MARK1: variants seen among roughly 807,000 people sequenced by gnomAD.
The protein encoded by MARK1 is serine/threonine-protein kinase MARK1.
A neutral mutation model predicts 96.3 loss-of-function variants in MARK1; 40 were observed. That is an observed-to-expected ratio of 0.42 (90% CI 0.32 to 0.54). The LOEUF is 0.54. Ranked by LOEUF, MARK1 falls within the 20% of genes least tolerant of loss-of-function variation. The probability of loss-of-function intolerance (pLI) is 0.16; values close to 1 mark genes in which losing one functional copy is unlikely to be tolerated. For missense variants in MARK1, 719 were observed against 984.6 expected (o/e 0.73, Z 3.61); for synonymous variants, 317 against 341.2 (o/e 0.93, Z 0.78).
At position 220,586,015 on chromosome 1, in the gene MARK1, G is replaced by A. The variant is rs202115816; in HGVS notation, c.309+4897G>A. On this transcript the variant is annotated intron_variant, in intron 3 of 17. Transcript: ENST00000366917. ...CACACACACACACACACACACACGC[G>A]CGCGTGCGCAGAGAGAGAGAGTTTA... Among the ~76,000 whole-genome samples, 6 of 91,370 alleles carry A rather than the reference G, an allele frequency of 6.6e-5. No individual in the cohort carries two copies. In the South Asian group the frequency reaches 1.7e-3, roughly 26 times the overall value. 59.9% of individuals were successfully genotyped at this position (91,370 alleles called of 152,430 possible). A position where few individuals can be genotyped will look rare whatever the true frequency, so the allele number is the denominator to read the frequency against.
At chr1:220,651,728 T>C (rs1668888502) in intron 14 of MARK1, among the ~76,000 whole-genome samples, 1 of 152,220 alleles carries the variant, frequency 6.6e-6, no homozygotes. Flanking sequence ...TTTTGTACTT[T>C]CTCACATTTA....
chr1:220,543,928 GAT>G (rs975434292), intron 1 of MARK1, among the ~76,000 whole-genome samples: 1 of 152,096 alleles, frequency 6.6e-6, no homozygotes, highest in Non-Finnish European at 1.5e-5. Flanking sequence ...TGATGATGAT[GAT>G]TACATTGTAA....
chr1:220,537,570 C>T (rs1660799760), intron 1 of MARK1, among the ~76,000 whole-genome samples: 1 of 91,784 alleles, frequency 1.1e-5, no homozygotes, highest in Admixed American at 1.2e-4. Flanking sequence ...GTCTTTATAG[C>T]AGCATATTTA....
intron 9 of MARK1, chr1:220,627,462 G>A: frequency 2.3e-6 from 1 of 442,224 alleles, no homozygotes; most frequent in Non-Finnish European, 4.6e-6. Flanking sequence ...GACCTCTCCA[G>A]CTCTGGCTTC....
intron 1 of MARK1, among the ~76,000 whole-genome samples, chr1:220,549,739 A>G (rs535978358): frequency 1.3e-5 from 2 of 152,324 alleles, no homozygotes; most frequent in Admixed American, 6.5e-5. Context: ...TAAGAGCACA[A>G]ACTTTGTAGA....
chr1:220,541,379 T>C (rs2102712743), intron 1 of MARK1, among the ~76,000 whole-genome samples: 1 of 152,336 alleles, frequency 6.6e-6, no homozygotes, highest in African/African-American at 2.4e-5. Flanking sequence ...GAAGAATTTA[T>C]ATTGTGCTGC....
At chr1:220,642,352 CA>C (rs1668322533) in intron 13 of MARK1, among the ~76,000 whole-genome samples, 1 of 152,242 alleles carries the variant, frequency 6.6e-6, no homozygotes, top group African/African-American at 2.4e-5. Context: ...CACAGCACAG[CA>C]TAGCAGCTGT....
At chr1:220,628,648 A>T (rs1034019301) in intron 9 of MARK1, among the ~76,000 whole-genome samples, 1 of 152,054 alleles carries the variant, frequency 6.6e-6, no homozygotes, top group South Asian at 2.1e-4. Context: ...GCCCTCTTCT[A>T]TTCATTCTTA....
chr1:220,553,928 G>A (rs1188355149), intron 1 of MARK1, among the ~76,000 whole-genome samples: 2 of 152,212 alleles, frequency 1.3e-5, no homozygotes, highest in African/African-American at 4.8e-5. Flanking sequence ...GCCTAGGCCT[G>A]TTGCAGACCT....
chr1:220,641,044 C>T (rs941001986), intron 13 of MARK1, among the ~76,000 whole-genome samples: 8 of 152,170 alleles, frequency 5.3e-5, no homozygotes, highest in South Asian at 2.1e-4. Context: ...TCAGGGAAAA[C>T]CCTTGACTAG....
chr1:220,644,520 C>G (rs1415557876), intron 13 of MARK1, among the ~76,000 whole-genome samples: 1 of 145,782 alleles, frequency 6.9e-6, no homozygotes, highest in Admixed American at 7.1e-5. Context: ...TTAGACAGAT[C>G]ACCGAGACAG....
intron 9 of MARK1, chr1:220,627,971 G>A (rs1667445356): frequency 1.3e-5 from 2 of 152,130 alleles, no homozygotes; most frequent in South Asian, 4.2e-4. Context: ...GGTGGAGGTT[G>A]GTGGTCTAGT....
chr1:220,630,772 T>C (rs1437174731), intron 9 of MARK1, among the ~76,000 whole-genome samples: 1 of 152,204 alleles, frequency 6.6e-6, no homozygotes. Context: ...TGTTAAAATA[T>C]CCAAATTTGA....
intron 3 of MARK1, 91 bp downstream of exon 3, chr1:220,581,209 G>A: frequency 4.8e-6 from 2 of 414,800 alleles, no homozygotes; most frequent in Non-Finnish European, 8.7e-6. Flanking sequence ...TTTTCTATTA[G>A]GTACAATTCT....
At chr1:220,633,952 G>A (rs150632409) in intron 11 of MARK1, among the ~76,000 whole-genome samples, 1 of 152,286 alleles carries the variant, frequency 6.6e-6, no homozygotes, top group African/African-American at 2.4e-5. Flanking sequence ...CTTCATTAGA[G>A]GGGAACACAT....
Position 220,528,795 on chromosome 1 carries a change from C to T in MARK1, c.-28C>T. On this transcript the variant is annotated 5_prime_UTR_variant, in exon 1 of 18. Transcript: ENST00000366917. ...CGCACCACAGCCCGGCCGGCGAGAC[C>T]CCGGCCAGACCCCGCTGCCCGCACA... 4 of 1,546,136 alleles carry T rather than the reference C, an allele frequency of 2.6e-6. No homozygotes were observed. The highest frequency in any genetic ancestry group is 3.5e-6 in the Non-Finnish European group (4 of 1,144,868).
intron 9 of MARK1, among the ~76,000 whole-genome samples, chr1:220,623,201 A>C (rs989753539): frequency 2.6e-5 from 4 of 152,092 alleles, no homozygotes; most frequent in African/African-American, 9.7e-5. Flanking sequence ...CTCGGGTTAC[A>C]TGAGCTCTCT....
At chr1:220,636,308 C>T (rs1667964259) in intron 13 of MARK1, among the ~76,000 whole-genome samples, 1 of 152,036 alleles carries the variant, frequency 6.6e-6, no homozygotes, top group Non-Finnish European at 1.5e-5. Flanking sequence ...ATTATATTGG[C>T]ACATTTCATT....
chr1:220,601,004 G>A (rs182079757), intron 5 of MARK1, among the ~76,000 whole-genome samples: 186 of 151,220 alleles, frequency 1.2e-3, no homozygotes, highest in African/African-American at 4.3e-3. Context: ...TCCAAGCTTC[G>A]CCTCCCAGGT....
Sources: gnomAD v4.1 joint callset for allele counts (sites outside exome capture counted in the v4.1 genomes callset) on GRCh38, gnomAD v4.1.1 for gene constraint, MANE v1.5 for transcripts, NCBI Gene and HGNC (gene_info 2026-07-23, HGNC 2026-07-21) for gene names.